ZBTB7B: variants seen among roughly 807,000 people sequenced by gnomAD.
ZBTB7B encodes zinc finger and BTB domain containing 7B, also known as zinc finger and BTB domain-containing protein 7B.
In ZBTB7B, 8 loss-of-function variants were observed where a neutral mutation model predicts 31.0. That is an observed-to-expected ratio of 0.26 (90% CI 0.15 to 0.47). ZBTB7B has a LOEUF of 0.47. Ranked by LOEUF, ZBTB7B falls within the 20% of genes least tolerant of loss-of-function variation. The pLI, the probability that ZBTB7B is intolerant of heterozygous loss-of-function variation, is 0.99. For missense variants in ZBTB7B, 494 were observed against 742.4 expected (o/e 0.67, Z 3.89); for synonymous variants, 261 against 307.3 (o/e 0.85, Z 1.58).
rs769019562 is a variant in ZBTB7B at position 155,015,359 on chromosome 1, T to TGAG, written c.710_712dup (p.Glu237dup). On this transcript the variant is annotated inframe_insertion, in exon 2 of 3. Transcript: ENST00000535420. ...CAGTGCCCGCCCATCCCTTGACCTA[T>TGAG]GAGGAGGAGGAGGTGGCGGGCAGAG... is the stretch of plus-strand genomic sequence containing the variant. 7 of 1,580,396 alleles carry TGAG rather than the reference T, an allele frequency of 4.4e-6. No individual in the cohort carries two copies. Among genetic ancestry groups the TGAG allele is most frequent in the Non-Finnish European group, 4.3e-6 (5 of 1,159,622 alleles).
rs576825661 is a variant in ZBTB7B, at chr1:155,006,124, A to G, written c.-7+3181A>G. ...ACTTCCACCTCTACTAGGGAAAGGCACCCAGCTACCACCTGGCCCCCTGAG... is the reference window on the plus strand; with the variant it reads ...ACTTCCACCTCTACTAGGGAAAGGCGCCCAGCTACCACCTGGCCCCCTGAG... On this transcript the variant is annotated intron_variant, in intron 1 of 2. Coordinates refer to ENST00000535420, the MANE Select transcript of ZBTB7B (RefSeq NM_001256455.2). Among the ~76,000 whole-genome samples, 7 of 152,290 alleles carry G rather than the reference A, an allele frequency of 4.6e-5. No homozygotes were observed. The East Asian group carries it at 7.7e-4, about 17-fold the overall frequency.
In ZBTB7B at chr1:155,004,741, C is replaced by T. The variant is rs1658455679; in HGVS notation, c.-7+1798C>T. Among the ~76,000 whole-genome samples the T allele has an allele frequency of 6.6e-6, 1 of 152,098 alleles. No homozygotes were observed. Among genetic ancestry groups the T allele is most frequent in the Non-Finnish European group, 1.5e-5 (1 of 67,976 alleles). ...AGAAATCTCTGTCAGTGCCTCTGTCCCTGGCCCCAGGGACCCCAGCTCCCC... is the reference window on the plus strand; with the variant it reads ...AGAAATCTCTGTCAGTGCCTCTGTCTCTGGCCCCAGGGACCCCAGCTCCCC... On this transcript the variant is annotated intron_variant, in intron 1 of 2. Coordinates refer to ENST00000535420, the MANE Select transcript of ZBTB7B (RefSeq NM_001256455.2). The surrounding 1 kb of genome is among the most constrained non-coding windows in gnomAD (Gnocchi z 4.0).
At chr1:155,012,439 T>A (rs1659057658) in intron 1 of ZBTB7B, among the ~76,000 whole-genome samples, 1 of 152,146 alleles carries the variant, frequency 6.6e-6, no homozygotes, top group Non-Finnish European at 1.5e-5. Context: ...CTGTTGCTGC[T>A]GCTCCTCCTG....
chr1:155,006,623 G>C (rs375169516), intron 1 of ZBTB7B, among the ~76,000 whole-genome samples: 1 of 152,180 alleles, frequency 6.6e-6, no homozygotes, highest in Non-Finnish European at 1.5e-5. Context: ...CAGGCCAACA[G>C]AATGACATGG....
Position 155,017,375 on chromosome 1 carries a change from TA to T in ZBTB7B, c.*691del, listed in dbSNP as rs1659533983. 9.0e-6 allele frequency: 1 copy of T among 111,262 alleles called. No individual in the cohort carries two copies. The highest frequency in any genetic ancestry group is 2.2e-5 in the Non-Finnish European group (1 of 46,066). The allele number at this position is 111,262 out of a possible 1,614,324, so 6.9% of individuals were successfully genotyped here. A position where few individuals can be genotyped will look rare whatever the true frequency, so the allele number is the denominator to read the frequency against. ...GGGCAGTAGAGGGGCCCCGCCCAGC[TA>T]GGGGAGCCGCTCCGTTCCACTCCCC... On this transcript the variant is annotated 3_prime_UTR_variant, in exon 3 of 3. Coordinates refer to ENST00000535420, the MANE Select transcript of ZBTB7B (RefSeq NM_001256455.2).
chr1:155,017,375 T>G lies in ZBTB7B; in HGVS notation c.*690T>G, dbSNP rs1324632258. 3 of 111,366 alleles carry G rather than the reference T, an allele frequency of 2.7e-5. No individual in the cohort carries two copies. The highest frequency in any genetic ancestry group is 8.3e-5 in the Admixed American group (1 of 12,094). 6.9% of individuals were successfully genotyped at this position (111,366 alleles called of 1,614,324 possible). A position where few individuals can be genotyped will look rare whatever the true frequency, so the allele number is the denominator to read the frequency against. On this transcript the variant is annotated 3_prime_UTR_variant, in exon 3 of 3. Coordinates refer to ENST00000535420, the MANE Select transcript of ZBTB7B (RefSeq NM_001256455.2). ...GGGCAGTAGAGGGGCCCCGCCCAGC[T>G]AGGGGAGCCGCTCCGTTCCACTCCC...
intron 1 of ZBTB7B, among the ~76,000 whole-genome samples, chr1:155,012,928 T>C (rs1659099968): frequency 6.6e-6 from 1 of 151,992 alleles, no homozygotes; most frequent in African/African-American, 2.4e-5. Flanking sequence ...TGGGCCAGTC[T>C]TTAATATTAC....
chr1:155,016,441 C>A lies in ZBTB7B; in HGVS notation c.1376C>A (p.Thr459Asn). 1.2e-6 allele frequency: 2 copies of A among 1,614,094 alleles called. No homozygotes were observed. The highest frequency in any genetic ancestry group is 1.7e-6 in the Non-Finnish European group (2 of 1,180,000). ...LKGQNCLEVRTRRRRKDDAPP... is the reference protein window; with the variant it reads ...LKGQNCLEVRNRRRRKDDAPP... ...GGCCAGAACTGCCTGGAGGTGCGCACCCGACGGCGCCGCAAGGACGATGCA... is the reference window on the plus strand; with the variant it reads ...GGCCAGAACTGCCTGGAGGTGCGCAACCGACGGCGCCGCAAGGACGATGCA... Residue 459 changes from threonine to asparagine, a missense_variant, in exon 3 of 3, where the codon ACC becomes AAC. Physicochemically the swap from Thr to Asn is moderately conservative, Grantham distance 65. Coordinates refer to ENST00000535420, the MANE Select transcript of ZBTB7B (RefSeq NM_001256455.2). The surrounding 1 kb of genome is among the most constrained non-coding windows in gnomAD (Gnocchi z 4.3).
chr1:155,017,354 A>AGTAG lies in ZBTB7B; in HGVS notation c.*670_*673dup, dbSNP rs1553257680. Reference sequence around the variant, plus strand: ...GATTGGCTCGCCTGCCCCTGGGGGCAGTAGAGGGGCCCCGCCCAGCTAGGG... The same window carrying AGTAG: ...GATTGGCTCGCCTGCCCCTGGGGGCAGTAGGTAGAGGGGCCCCGCCCAGCTAGGG... On this transcript the variant is annotated 3_prime_UTR_variant, in exon 3 of 3. Transcript: ENST00000535420. The AGTAG allele has an allele frequency of 3.9e-5, 6 of 152,408 alleles. No individual in the cohort carries two copies. In the East Asian group the frequency reaches 7.7e-4, roughly 20 times the overall value. 9.4% of individuals were successfully genotyped at this position (152,408 alleles called of 1,614,324 possible).
chr1:155,014,201 C>T (rs1477137582), intron 1 of ZBTB7B: 2 of 550,580 alleles, frequency 3.6e-6, no homozygotes, highest in Non-Finnish European at 4.6e-6. Context: ...AGTACCACCC[C>T]CGGTCCTTCA....
Position 155,016,388 on chromosome 1 carries a change from G to A in ZBTB7B, c.1323G>A (p.Lys441=). 6.2e-7 allele frequency: 1 copy of A among 1,614,158 alleles called. No homozygotes were observed. Among genetic ancestry groups the A allele is most frequent in the Admixed American group, 1.7e-5 (1 of 60,030 alleles). ...ACCTGTGCCACAAGGCTTTCGCCAA[G>A]GAGGACCACCTGCAGCGCCACCTCA... is the stretch of plus-strand genomic sequence containing the variant. ...ECHLCHKAFA[K]EDHLQRHLKG... Residue 441 remains lysine, a synonymous_variant, in exon 3 of 3, where the codon AAG becomes AAA. Coordinates refer to ENST00000535420, the MANE Select transcript of ZBTB7B (RefSeq NM_001256455.2). This position sits in a 1 kb window ranked among gnomAD's most constrained non-coding sequence, Gnocchi z 4.3.
In ZBTB7B at chr1:155,014,736, G is replaced by T. The variant is rs1188815767; in HGVS notation, c.76G>T (p.Glu26Ter). Residue 26 changes from glutamate to a stop codon, truncating the protein, a stop_gained, in exon 2 of 3, where the codon GAG becomes TAG. Coordinates refer to ENST00000535420, the MANE Select transcript of ZBTB7B (RefSeq NM_001256455.2). LOFTEE classifies it high-confidence loss of function. ...CAGTGAGCTCCTGAGCTGCCTCAATGAGCAGCGCCAGCTGGGCCACCTATG... is the reference window on the plus strand; with the variant it reads ...CAGTGAGCTCCTGAGCTGCCTCAATTAGCAGCGCCAGCTGGGCCACCTATG... ...HSSELLSCLN[E>*]QRQLGHLCDL... The T allele has an allele frequency of 6.2e-7, 1 of 1,614,212 alleles. No homozygotes were observed. The highest frequency in any genetic ancestry group is 8.5e-7 in the Non-Finnish European group (1 of 1,180,022).
rs1228952027 is a variant in ZBTB7B, at chr1:155,015,510, T to C, written c.850T>C (p.Tyr284His). The C allele has an allele frequency of 2.5e-6, 4 of 1,613,806 alleles. No homozygotes were observed. The South Asian group carries it at 3.3e-5, about 13-fold the overall frequency. Residue 284 changes from tyrosine (Y) to histidine (H), a missense_variant, in exon 2 of 3, where the codon TAT becomes CAT. Physicochemically the swap from Tyr to His is moderately conservative, Grantham distance 83. Transcript: ENST00000535420. The stretch of plus-strand genomic sequence containing the variant: ...TGAGGAAGAAGAAGAGGAGCTGGTA[T>C]ATCCCCCAGCCTATGGGCTGGCGCA... ...EGEEEEEELV[Y>H]PPAYGLAQGG...
In ZBTB7B at chr1:155,016,728, AC is replaced by A; in HGVS notation, c.*46del. The A allele has an allele frequency of 8.4e-7, 1 of 1,192,780 alleles. No homozygotes were observed. Among genetic ancestry groups the A allele is most frequent in the Non-Finnish European group, 1.2e-6 (1 of 857,200 alleles). 73.9% of individuals were successfully genotyped at this position (1,192,780 alleles called of 1,614,324 possible). On this transcript the variant is annotated 3_prime_UTR_variant, in exon 3 of 3. Transcript: ENST00000535420. The surrounding 1 kb of genome is among the most constrained non-coding windows in gnomAD (Gnocchi z 4.3). ...ACTGAAGCAGCACAAGGCCGGGGAC[AC>A]CCATGCCAAGCAGTGGGAGCACGCA...
chr1:155,016,626 G>A lies in ZBTB7B; in HGVS notation c.1561G>A (p.Asp521Asn). ...CTCTACCCCAGGGCCCCCTGATGAC[G>A]ATGAGGAGGAAGGGGCACCCACCAC... Reference protein sequence around the residue: ...PVSTPGPPDDDEEEGAPTTPQ... With the variant: ...PVSTPGPPDDNEEEGAPTTPQ... Residue 521 changes from aspartate (D) to asparagine (N), a missense_variant, in exon 3 of 3, where the codon GAT becomes AAT. Asp to Asn is a conservative substitution (Grantham distance 23, BLOSUM62 1). Around this residue, in one of 5 missense-constraint regions of ZBTB7B, gnomAD observed 101 missense variants for 119.5 expected, o/e 0.85. Transcript: ENST00000535420. This position sits in a 1 kb window ranked among gnomAD's most constrained non-coding sequence, Gnocchi z 4.3. 4 of 1,608,886 alleles carry A rather than the reference G, an allele frequency of 2.5e-6. No individual in the cohort carries two copies. Among genetic ancestry groups the A allele is most frequent in the Middle Eastern group, 1.7e-4 (1 of 6,026 alleles).
rs181041482 is a variant in ZBTB7B at position 155,003,442 on chromosome 1, C to T, written c.-7+499C>T. Among the ~76,000 whole-genome samples the T allele has an allele frequency of 8.2e-4, 125 of 152,254 alleles. 1 individual carries two copies. The highest frequency in any genetic ancestry group is 2.6e-3 in the African/African-American group (107 of 41,558). Reference sequence around the variant, plus strand: ...GGTTGGGGGGGCGCAGGAGGAGCCGCGGCTTGGGGGAAAGTTACCGGCTGG... The same window carrying T: ...GGTTGGGGGGGCGCAGGAGGAGCCGTGGCTTGGGGGAAAGTTACCGGCTGG... On this transcript the variant is annotated intron_variant, in intron 1 of 2. Coordinates refer to ENST00000535420, the MANE Select transcript of ZBTB7B (RefSeq NM_001256455.2). This position sits in a 1 kb window ranked among gnomAD's most constrained non-coding sequence, Gnocchi z 5.8.
At position 155,015,365 on chromosome 1, in the gene ZBTB7B, G is replaced by A. The variant is rs1470677031; in HGVS notation, c.705G>A (p.Glu235=). 2.5e-6 allele frequency: 4 copies of A among 1,577,178 alleles called. No individual in the cohort carries two copies. In the Middle Eastern group the frequency reaches 5.1e-4, roughly 202 times the overall value. The stretch of plus-strand genomic sequence containing the variant: ...CCGCCCATCCCTTGACCTATGAGGA[G>A]GAGGAGGTGGCGGGCAGAGTGGGCA... ...TVPAHPLTYE[E]EEVAGRVGSS... The change falls in exon 2 of 3, where the codon GAG becomes GAA. Residue 235 remains glutamate (E), a synonymous_variant. Transcript: ENST00000535420.
chr1:155,016,376 G>C lies in ZBTB7B; in HGVS notation c.1311G>C (p.Lys437Asn). The change falls in exon 3 of 3, where the codon AAG becomes AAC. Residue 437 changes from lysine (K) to asparagine (N), a missense_variant. Lys to Asn is a moderately conservative substitution (Grantham distance 94). Coordinates refer to ENST00000535420, the MANE Select transcript of ZBTB7B (RefSeq NM_001256455.2). The surrounding 1 kb of genome is among the most constrained non-coding windows in gnomAD (Gnocchi z 4.3). ...DRPYECHLCHKAFAKEDHLQR... is the reference protein window; with the variant it reads ...DRPYECHLCHNAFAKEDHLQR... ...CCTATGAGTGCCACCTGTGCCACAA[G>C]GCTTTCGCCAAGGAGGACCACCTGC... 6.2e-7 allele frequency: 1 copy of C among 1,614,140 alleles called. No individual in the cohort carries two copies. Among genetic ancestry groups the C allele is most frequent in the African/African-American group, 1.3e-5 (1 of 75,018 alleles).
chr1:155,011,658 C>T (rs1019043094), intron 1 of ZBTB7B, among the ~76,000 whole-genome samples: 1 of 152,238 alleles, frequency 6.6e-6, no homozygotes. Flanking sequence ...CACAGCTGCA[C>T]CCCCAACCAC....
Sources: allele counts gnomAD v4.1 joint callset (sites outside exome capture counted in the v4.1 genomes callset), GRCh38; gene constraint gnomAD v4.1.1; regional missense constraint gnomAD v4.1.1; non-coding constraint Gnocchi (gnomAD v3.1); transcripts MANE v1.5; gene names NCBI Gene and HGNC (gene_info 2026-07-23, HGNC 2026-07-21).